PRKAR2B: variants seen among roughly 807,000 people sequenced by gnomAD.
The protein encoded by PRKAR2B is cAMP-dependent protein kinase type II-beta regulatory subunit.
PRKAR2B carries 14 observed loss-of-function variants against 49.9 expected under a neutral mutation model. That is an observed-to-expected ratio of 0.28 (90% CI 0.19 to 0.44). The LOEUF (loss-of-function observed/expected upper bound fraction) is 0.44, where lower values mean the gene tolerates loss of function less well. Among genes scored for constraint, PRKAR2B ranks in the 20% least tolerant of loss-of-function variants. The pLI, the probability that PRKAR2B is intolerant of heterozygous loss-of-function variation, is 1.00. For synonymous variants in PRKAR2B, 196 were observed against 197.7 expected, an observed-to-expected ratio of 0.99 and a Z score of 0.07; for missense variants, 393 against 537.9, an observed-to-expected ratio of 0.73 and a Z score of 2.67.
In PRKAR2B at chr7:107,086,032, A is replaced by G. The variant is rs1450677964; in HGVS notation, c.343+15716A>G. 1.3e-5 allele frequency among the ~76,000 whole-genome samples: 2 copies of G among 152,228 alleles called. 1 individual carries two copies. Among genetic ancestry groups the G allele is most frequent in the Non-Finnish European group, 2.9e-5 (2 of 68,038 alleles). On this transcript the variant is annotated intron_variant, in intron 2 of 10. Transcript: ENST00000265717. ...CCAATCTTAGGTTCAACACAGTGTA[A>G]AACACTTGATATTACAAAATTTTGA...
chr7:107,052,486 T>C (rs1793827317), intron 1 of PRKAR2B, among the ~76,000 whole-genome samples: 1 of 152,236 alleles, frequency 6.6e-6, no homozygotes, highest in Non-Finnish European at 1.5e-5. Context: ...ACTACTGATG[T>C]ATCAGATGTG....
At chr7:107,054,272 T>A (rs1403289310) in intron 1 of PRKAR2B, among the ~76,000 whole-genome samples, 3 of 152,134 alleles carry the variant, frequency 2.0e-5, no homozygotes, top group Admixed American at 6.5e-5. Context: ...GAGAATGGCG[T>A]GAACCCGAGA....
chr7:107,106,456 C>T (rs1391747733), intron 2 of PRKAR2B, among the ~76,000 whole-genome samples: 1 of 152,180 alleles, frequency 6.6e-6, no homozygotes, highest in Non-Finnish European at 1.5e-5. Context: ...CAAGTTAAGT[C>T]GAAAGACTTG....
At chr7:107,095,884 G>A (rs1214935975) in intron 2 of PRKAR2B, among the ~76,000 whole-genome samples, 1 of 152,222 alleles carries the variant, frequency 6.6e-6, no homozygotes, top group Non-Finnish European at 1.5e-5. Context: ...GTTTCTTGAT[G>A]TGCTGCTGGA....
At chr7:107,101,944 C>G (rs150518662) in intron 2 of PRKAR2B, among the ~76,000 whole-genome samples, 79 of 142,364 alleles carry the variant, frequency 5.5e-4, no homozygotes, top group African/African-American at 1.9e-3. Context: ...TGAGGACTGG[C>G]CATGCTCCTC....
At chr7:107,105,955 A>G (rs1795062326) in intron 2 of PRKAR2B, among the ~76,000 whole-genome samples, 1 of 152,068 alleles carries the variant, frequency 6.6e-6, no homozygotes, top group Admixed American at 6.6e-5. Flanking sequence ...GTAAACTCCA[A>G]AGGCCATGTT....
chr7:107,090,276 A>G (rs1794712213), intron 2 of PRKAR2B, among the ~76,000 whole-genome samples: 1 of 152,150 alleles, frequency 6.6e-6, no homozygotes, highest in East Asian at 1.9e-4. Context: ...GCGGCCAGCT[A>G]CTTGCTCCAT....
At chr7:107,097,102 C>T (rs889473535) in intron 2 of PRKAR2B, among the ~76,000 whole-genome samples, 24 of 152,226 alleles carry the variant, frequency 1.6e-4, no homozygotes, top group Non-Finnish European at 2.6e-4. Context: ...CTAATGTTGA[C>T]AGTGGGGTGT....
At chr7:107,114,324 C>CTGTGTGTGTGTGTG (rs58110858) in intron 2 of PRKAR2B, among the ~76,000 whole-genome samples, 10 of 130,940 alleles carry the variant, frequency 7.6e-5, no homozygotes, top group African/African-American at 1.9e-4. Context: ...GCATGTACAG[C>CTGTGTGTGTGTGTG]TGTGTGTGTG....
At chr7:107,095,939 A>G (rs141022877) in intron 2 of PRKAR2B, among the ~76,000 whole-genome samples, 14,359 of 152,232 alleles carry the variant, frequency 0.094, 798 homozygotes, top group African/African-American at 0.15. Flanking sequence ...ATCGATGTTC[A>G]TCAGGGATAT....
chr7:107,115,830 AC>A (rs1167658201), intron 2 of PRKAR2B, among the ~76,000 whole-genome samples: 4 of 152,168 alleles, frequency 2.6e-5, no homozygotes, highest in Non-Finnish European at 5.9e-5. Flanking sequence ...TGACCATATA[AC>A]TTGTCTAATG....
At chr7:107,150,483 G>A (rs1258264151) in intron 6 of PRKAR2B, among the ~76,000 whole-genome samples, 1 of 152,002 alleles carries the variant, frequency 6.6e-6, no homozygotes, top group Admixed American at 6.6e-5. Context: ...ATCACTTTAA[G>A]CATTTATAAT....
At chr7:107,046,839 T>TA (rs1793708203) in intron 1 of PRKAR2B, among the ~76,000 whole-genome samples, 1 of 152,082 alleles carries the variant, frequency 6.6e-6, no homozygotes, top group Admixed American at 6.5e-5. Context: ...ACCATATATA[T>TA]ATATATATTC....
In PRKAR2B at chr7:107,122,014, T is replaced by A; in HGVS notation, c.396+10T>A. On this transcript the variant is annotated intron_variant, in intron 3 of 10. Transcript: ENST00000265717. ...TGATGCAGAGTCCAGGGTATGTAAT[T>A]TACTGAATGAATGAATTTTAAATTG... 4.5e-6 allele frequency: 7 copies of A among 1,564,348 alleles called. No homozygotes were observed. The highest frequency in any genetic ancestry group is 6.1e-6 in the Non-Finnish European group (7 of 1,144,678).
In PRKAR2B at chr7:107,087,800, G is replaced by T. The variant is rs542174638; in HGVS notation, c.343+17484G>T. 3.3e-5 allele frequency among the ~76,000 whole-genome samples: 5 copies of T among 152,108 alleles called. No individual in the cohort carries two copies. In the South Asian group the frequency reaches 1.0e-3, roughly 31 times the overall value. On this transcript the variant is annotated intron_variant, in intron 2 of 10. Coordinates refer to ENST00000265717, the MANE Select transcript of PRKAR2B (RefSeq NM_002736.3). ...CACCACTCCAGTTATCACACACTTA[G>T]ATTACTTATCTCTCTTGAATTAGTC...
chr7:107,155,329 G>C (rs1354894394), intron 8 of PRKAR2B, among the ~76,000 whole-genome samples: 1 of 152,148 alleles, frequency 6.6e-6, no homozygotes, highest in Admixed American at 6.5e-5. Context: ...GAGGCAGGTA[G>C]ATCACTTCAA....
intron 4 of PRKAR2B, among the ~76,000 whole-genome samples, chr7:107,136,214 GT>G (rs1288278537): frequency 6.6e-6 from 1 of 152,096 alleles, no homozygotes; most frequent in African/African-American, 2.4e-5. Flanking sequence ...ACACAAAACT[GT>G]AAAATTCCTA....
At position 107,110,471 on chromosome 7, in the gene PRKAR2B, A is replaced by G. The variant is rs80034443; in HGVS notation, c.344-11481A>G. On this transcript the variant is annotated intron_variant, in intron 2 of 10. Transcript: ENST00000265717. ...CTGGCATCACCCTTTCCACAACCCC[A>G]GGCTTCATAGCTTGCAGCTCCAATT... 4.0e-3 allele frequency among the ~76,000 whole-genome samples: 606 copies of G among 151,984 alleles called. 28 individuals carry two copies. In the East Asian group the frequency reaches 0.096, roughly 24 times the overall value.
chr7:107,096,090 C>G (rs1322601894), intron 2 of PRKAR2B, among the ~76,000 whole-genome samples: 1 of 152,196 alleles, frequency 6.6e-6, no homozygotes, highest in Non-Finnish European at 1.5e-5. Context: ...ACCAGCTCCT[C>G]TTTGTACCTC....
Sources: gnomAD v4.1 joint callset for allele counts (sites outside exome capture counted in the v4.1 genomes callset) on GRCh38, gnomAD v4.1.1 for gene constraint, MANE v1.5 for transcripts, NCBI Gene and HGNC (gene_info 2026-07-23, HGNC 2026-07-21) for gene names.